Variants in PJA2 observed in about 807,000 individuals in gnomAD.
The protein encoded by PJA2 is E3 ubiquitin-protein ligase Praja-2.
Under a neutral mutation model 69.3 loss-of-function variants are expected in PJA2, and 25 were observed. The observed-to-expected ratio is 0.36, with a 90% CI of 0.26 to 0.50. The LOEUF (loss-of-function observed/expected upper bound fraction) is 0.50, where lower values mean the gene tolerates loss of function less well. Ranked by LOEUF, PJA2 falls within the 20% of genes least tolerant of loss-of-function variation. The pLI, the probability that PJA2 is intolerant of heterozygous loss-of-function variation, is 0.96. For synonymous variants in PJA2, 308 were observed against 277.8 expected (o/e 1.11, Z -1.08); for missense variants, 809 against 830.2 (o/e 0.97, Z 0.31).
At chr5:109,368,463 G>C in intron 5 of PJA2, 98 bp downstream of exon 5, 1 of 1,114,804 alleles carries the variant, frequency 9.0e-7, no homozygotes, top group Non-Finnish European at 1.3e-6. Flanking sequence ...TTCTACATAA[G>C]GCTTATAAAT....
chr5:109,358,404 G>C (rs919174095), intron 6 of PJA2, among the ~76,000 whole-genome samples: 1 of 152,220 alleles, frequency 6.6e-6, no homozygotes, highest in Admixed American at 6.5e-5. Flanking sequence ...CTGGCTTGCT[G>C]TCAATAAATA....
chr5:109,357,811 A>G (rs947009036), intron 6 of PJA2, among the ~76,000 whole-genome samples: 7 of 152,232 alleles, frequency 4.6e-5, no homozygotes, highest in African/African-American at 1.7e-4. Flanking sequence ...CTGCTCAAAC[A>G]ACATAAATTG....
At chr5:109,381,110 T>A (rs1469607569) in intron 3 of PJA2, among the ~76,000 whole-genome samples, 1 of 147,034 alleles carries the variant, frequency 6.8e-6, no homozygotes, top group Non-Finnish European at 1.5e-5. Flanking sequence ...CGTGACTCCA[T>A]CTCAAAAAAA....
chr5:109,364,325 A>G (rs1762548271), intron 5 of PJA2, among the ~76,000 whole-genome samples: 2 of 152,182 alleles, frequency 1.3e-5, no homozygotes, highest in African/African-American at 4.8e-5. Flanking sequence ...AGGAAATTTT[A>G]TAAAAATTTC....
At chr5:109,353,219 T>A (rs1363915951) in intron 7 of PJA2, among the ~76,000 whole-genome samples, 2 of 142,580 alleles carry the variant, frequency 1.4e-5, no homozygotes, top group East Asian at 4.2e-4. Context: ...TCTATAGATA[T>A]CTATATATTA....
chr5:109,371,850 A>G (rs6862847), intron 4 of PJA2, among the ~76,000 whole-genome samples: 28,681 of 152,182 alleles, frequency 0.19, 3,825 homozygotes, highest in African/African-American at 0.37. Flanking sequence ...GCCTGGAGTT[A>G]AACCCACCAC....
intron 9 of PJA2, among the ~76,000 whole-genome samples, chr5:109,341,529 A>C (rs1273520583): frequency 1.5e-4 from 17 of 115,372 alleles, no homozygotes; most frequent in African/African-American, 3.1e-4. Context: ...CCCGGCAGCC[A>C]CCCCGTCCGG....
intron 1 of PJA2, among the ~76,000 whole-genome samples, chr5:109,389,377 T>C (rs150119119): frequency 0.01 from 1,524 of 152,242 alleles, 27 homozygotes; most frequent in African/African-American, 0.035. Context: ...CTGACTAAAC[T>C]GTGTTTTTCA....
chr5:109,379,361 T>C, intron 3 of PJA2, 107 bp from the exon 4 acceptor site: 1 of 777,738 alleles, frequency 1.3e-6, no homozygotes, highest in South Asian at 1.9e-5. Context: ...ACTACTTGAA[T>C]ACATGAGTAA....
Position 109,335,012 on chromosome 5 carries a change from CATAAA to C in PJA2, c.*2214_*2218del, listed in dbSNP as rs1038734232. On this transcript the variant is annotated 3_prime_UTR_variant, in exon 10 of 10. Transcript: ENST00000361189. ...AAAATAAAATTAGGTTAAGTCACAA[CATAAA>C]ATAGAGAAATAAGATAAATGCTATT... 1.3e-5 allele frequency: 2 copies of C among 152,426 alleles called. No individual in the cohort carries two copies. Among genetic ancestry groups the C allele is most frequent in the African/African-American group, 4.8e-5 (2 of 41,392 alleles). The allele number at this position is 152,426 out of a possible 1,614,324, so 9.4% of individuals were successfully genotyped here. A position where few individuals can be genotyped will look rare whatever the true frequency, so the allele number is the denominator to read the frequency against.
chr5:109,340,922 G>A (rs1475935687), intron 9 of PJA2, among the ~76,000 whole-genome samples: 2 of 117,372 alleles, frequency 1.7e-5, no homozygotes, highest in East Asian at 4.0e-4. Context: ...GATTGCAGAC[G>A]GAGTCTCGTT....
At chr5:109,363,525 C>G (rs1421317947) in intron 5 of PJA2, among the ~76,000 whole-genome samples, 2 of 152,190 alleles carry the variant, frequency 1.3e-5, no homozygotes, top group African/African-American at 2.4e-5. Flanking sequence ...ATCATTTCTA[C>G]CTTGGGGCCA....
At chr5:109,355,419 A>G (rs1289780622) in intron 7 of PJA2, among the ~76,000 whole-genome samples, 1 of 152,246 alleles carries the variant, frequency 6.6e-6, no homozygotes, top group Non-Finnish European at 1.5e-5. Flanking sequence ...AATAATGAAA[A>G]GAAGGCAAGA....
intron 1 of PJA2, among the ~76,000 whole-genome samples, chr5:109,389,775 A>G (rs1206086420): frequency 2.0e-5 from 3 of 152,034 alleles, no homozygotes; most frequent in Non-Finnish European, 4.4e-5. Flanking sequence ...GCTGTATTCC[A>G]AAAGTTCTGA....
intron 1 of PJA2, among the ~76,000 whole-genome samples, chr5:109,396,235 T>G (rs925091167): frequency 1.3e-5 from 2 of 152,148 alleles, no homozygotes; most frequent in African/African-American, 4.8e-5. Context: ...GAAAAAGCAT[T>G]CAATGAAATT....
intron 7 of PJA2, 79 bp downstream of exon 7, chr5:109,355,836 G>C (rs1008408110): frequency 3.2e-6 from 3 of 936,154 alleles, no homozygotes; most frequent in African/African-American, 3.3e-5. Flanking sequence ...TTTCTTAAGA[G>C]TAGTCTAAAA....
intron 6 of PJA2, among the ~76,000 whole-genome samples, chr5:109,357,274 T>A (rs1282940709): frequency 1.3e-5 from 2 of 149,374 alleles, no homozygotes; most frequent in African/African-American, 4.9e-5. Flanking sequence ...TTGAATATCA[T>A]AGTCCTAAAC....
At chr5:109,399,068 G>T (rs192250111) in intron 1 of PJA2, among the ~76,000 whole-genome samples, 1 of 152,028 alleles carries the variant, frequency 6.6e-6, no homozygotes, top group African/African-American at 2.4e-5. Context: ...AAAATTAGCC[G>T]GGTTTGGTGG....
At chr5:109,374,106 GAATGGATTA>G (rs1177249011) in intron 4 of PJA2, among the ~76,000 whole-genome samples, 1 of 152,188 alleles carries the variant, frequency 6.6e-6, no homozygotes, top group African/African-American at 2.4e-5. Context: ...ACAGTGATAT[GAATGGATTA>G]TGTCCAAATA....
Sources: allele counts gnomAD v4.1 joint callset (sites outside exome capture counted in the v4.1 genomes callset), GRCh38; gene constraint gnomAD v4.1.1; transcripts MANE v1.5; gene names NCBI Gene and HGNC (gene_info 2026-07-23, HGNC 2026-07-21).